The following PISD variants were observed in gnomAD, a reference collection of about 807,000 sequenced individuals.
PISD encodes the protein phosphatidylserine decarboxylase, also known as phosphatidylserine decarboxylase proenzyme, mitochondrial.
In PISD, 31 loss-of-function variants were observed where a neutral mutation model predicts 43.5. The ratio of observed to expected loss-of-function variants is 0.71; its 90% confidence interval spans 0.54 to 0.96. PISD has a LOEUF of 0.96. Ranked by LOEUF, PISD falls within the 40% of genes least tolerant of loss-of-function variation. The pLI, the probability that PISD is intolerant of heterozygous loss-of-function variation, is 0.00. For missense variants in PISD, 523 were observed against 548.4 expected (o/e 0.95, Z 0.46); for synonymous variants, 259 against 228.7 (o/e 1.13, Z -1.20).
At chr22:31,657,637 C>T (rs1042577557) in intron 1 of PISD, among the ~76,000 whole-genome samples, 1 of 152,110 alleles carries the variant, frequency 6.6e-6, no homozygotes, top group Admixed American at 6.6e-5. Context: ...ATTCTCCTAC[C>T]TCAGCCTCCT....
chr22:31,662,334 T>C (rs1053514464), upstream of PISD: 1 of 956,112 alleles, frequency 1.0e-6, no homozygotes, highest in Non-Finnish European at 1.7e-6. Context: ...CCGACTAAGC[T>C]CCGCCCTGTG....
At chr22:31,622,841 C>A (rs1027570683) in intron 3 of PISD, among the ~76,000 whole-genome samples, 2 of 152,230 alleles carry the variant, frequency 1.3e-5, no homozygotes, top group African/African-American at 4.8e-5. Context: ...GTAGAAGCTG[C>A]CTGTAATTGG....
chr22:31,621,480 G>A lies in PISD; in HGVS notation c.559-8C>T, dbSNP rs746935386. The A allele has an allele frequency of 3.1e-6, 5 of 1,613,934 alleles. No homozygotes were observed. Among genetic ancestry groups the A allele is most frequent in the Non-Finnish European group, 4.2e-6 (5 of 1,180,008 alleles). On this transcript the variant is annotated splice_polypyrimidine_tract_variant and splice_region_variant and intron_variant, in intron 4 of 7. Coordinates refer to ENST00000439502, the MANE Select transcript of PISD (RefSeq NM_001326411.2). Reference sequence around the variant, plus strand: ...TCCATCCGATGGGCTAATCTGGAAGGGCAGGAGAGGCTTGCTGCCAGGGAG... The same window carrying A: ...TCCATCCGATGGGCTAATCTGGAAGAGCAGGAGAGGCTTGCTGCCAGGGAG...
At chr22:31,648,784 G>A (rs1019137729) in intron 2 of PISD, among the ~76,000 whole-genome samples, 12 of 151,898 alleles carry the variant, frequency 7.9e-5, no homozygotes, top group Admixed American at 6.6e-5. Flanking sequence ...CTGTCAGTAC[G>A]TACAGGACAG....
intron 3 of PISD, among the ~76,000 whole-genome samples, chr22:31,632,875 A>G (rs934094780): frequency 6.6e-6 from 1 of 152,228 alleles, no homozygotes; most frequent in African/African-American, 2.4e-5. Flanking sequence ...AGAAACATCC[A>G]TAGGAACTTA....
At chr22:31,658,625 C>T (rs559819478) in intron 1 of PISD, among the ~76,000 whole-genome samples, 1 of 152,184 alleles carries the variant, frequency 6.6e-6, no homozygotes, top group East Asian at 1.9e-4. Flanking sequence ...TCACAGCTCA[C>T]TGCAGCCTCG....
chr22:31,637,137 A>G (rs2073474188), intron 3 of PISD, among the ~76,000 whole-genome samples: 1 of 63,900 alleles, frequency 1.6e-5, no homozygotes, highest in Non-Finnish European at 3.1e-5. Context: ...ATAATAATAA[A>G]TAAATTAAAA....
intron 3 of PISD, among the ~76,000 whole-genome samples, chr22:31,633,428 G>A (rs79003718): frequency 1.1e-3 from 162 of 152,278 alleles, no homozygotes; most frequent in Non-Finnish European, 1.9e-3. Context: ...TTAAAAACCC[G>A]TAAACCACCA....
Position 31,630,716 on chromosome 22 carries a change from G to A in PISD, c.322-8831C>T. On this transcript the variant is annotated intron_variant, in intron 3 of 7. Coordinates refer to ENST00000439502, the MANE Select transcript of PISD (RefSeq NM_001326411.2). This position sits in a 1 kb window ranked among gnomAD's most constrained non-coding sequence, Gnocchi z 4.4. ...TAGAAGGGCACCCCCACCCGGCACTGGCCCTCTGAGCGGGCAGGGTGGGGC... is the reference window on the plus strand; with the variant it reads ...TAGAAGGGCACCCCCACCCGGCACTAGCCCTCTGAGCGGGCAGGGTGGGGC... 1 of 984,940 alleles carries A rather than the reference G, an allele frequency of 1.0e-6. No individual in the cohort carries two copies. The highest frequency in any genetic ancestry group is 1.2e-6 in the Non-Finnish European group (1 of 829,468). The allele number at this position is 984,940 out of a possible 1,614,324, so 61.0% of individuals were successfully genotyped here.
At chr22:31,641,226 A>G (rs543570693) in intron 3 of PISD, among the ~76,000 whole-genome samples, 2 of 152,132 alleles carry the variant, frequency 1.3e-5, no homozygotes, top group East Asian at 3.9e-4. Context: ...TTCCTTTTGA[A>G]GTCCAGAACT....
In PISD at chr22:31,619,804, C is replaced by G. The variant is rs1204628259; in HGVS notation, c.1038G>C (p.Lys346Asn). The stretch of plus-strand genomic sequence containing the variant: ...CGAAGCTGAAGTCATTGTAGGAGCC[C>G]TTGCTGTGCCTTGGGCTGTTTGTGT... Reference protein sequence around the residue: ...DLHTNSPRHSKGSYNDFSFVT... With the variant: ...DLHTNSPRHSNGSYNDFSFVT... Residue 346 changes from lysine (K) to asparagine (N), a missense_variant, in exon 8 of 8, where the codon AAG becomes AAC. Lys to Asn is a moderately conservative substitution (Grantham distance 94). Transcript: ENST00000439502. 1.2e-6 allele frequency: 2 copies of G among 1,614,084 alleles called. No individual in the cohort carries two copies. The highest frequency in any genetic ancestry group is 2.2e-5 in the South Asian group (2 of 91,074).
Position 31,632,233 on chromosome 22 carries a change from C to T in PISD, c.322-10348G>A, listed in dbSNP as rs1307743882. On this transcript the variant is annotated intron_variant, in intron 3 of 7. Coordinates refer to ENST00000439502, the MANE Select transcript of PISD (RefSeq NM_001326411.2). ...CATGACAAGCCACAGCCCTGGGATG[C>T]GGCAGGGGGAAGAAGACAGATAGGG... 29 of 985,080 alleles carry T rather than the reference C, an allele frequency of 2.9e-5. No homozygotes were observed. In the African/African-American group the frequency reaches 4.0e-4, roughly 14 times the overall value. The allele number at this position is 985,080 out of a possible 1,614,324, so 61.0% of individuals were successfully genotyped here. A position where few individuals can be genotyped will look rare whatever the true frequency, so the allele number is the denominator to read the frequency against.
At chr22:31,631,776 C>T (rs1187689668) in intron 3 of PISD, among the ~76,000 whole-genome samples, 2 of 152,208 alleles carry the variant, frequency 1.3e-5, no homozygotes, top group Non-Finnish European at 2.9e-5. Flanking sequence ...ATTAAGTAGC[C>T]TTGTTCACAT....
chr22:31,620,430 G>C (rs2072479430), intron 7 of PISD, 123 bp downstream of exon 7: 2 of 954,210 alleles, frequency 2.1e-6, no homozygotes, highest in Non-Finnish European at 3.1e-6. Flanking sequence ...AGCAGAGCCA[G>C]GCCTGACCAG....
rs150235206 is a variant in PISD at position 31,619,279 on chromosome 22, C to T, written c.*333G>A. On this transcript the variant is annotated 3_prime_UTR_variant, in exon 8 of 8. Coordinates refer to ENST00000439502, the MANE Select transcript of PISD (RefSeq NM_001326411.2). ...AGGAGCAGCAAGAAAAAACGACAAC[C>T]GAGACCAACTGAAGGTTCGGTCAGG... 1,463 of 354,074 alleles carry T rather than the reference C, an allele frequency of 4.1e-3. 11 individuals carry two copies. The highest frequency in any genetic ancestry group is 6.7e-3 in the Middle Eastern group (7 of 1,038). The allele number at this position is 354,074 out of a possible 1,614,324, so 21.9% of individuals were successfully genotyped here. A position where few individuals can be genotyped will look rare whatever the true frequency, so the allele number is the denominator to read the frequency against.
rs1350572038 is a variant in PISD at position 31,635,041 on chromosome 22, G to A, written c.321+13060C>T. ...ATTACTCAGGTGTGGTGGCACGCAC[G>A]TGTAATCCCAGCTACTCAGGAGGCT... On this transcript the variant is annotated intron_variant, in intron 3 of 7. Coordinates refer to ENST00000439502, the MANE Select transcript of PISD (RefSeq NM_001326411.2). 4.0e-5 allele frequency among the ~76,000 whole-genome samples: 6 copies of A among 150,148 alleles called. No homozygotes were observed. The South Asian group carries it at 1.1e-3, about 27-fold the overall frequency.
rs746144142 is a variant in PISD at position 31,648,256 on chromosome 22, CA to C, written c.165del (p.Ala56ProfsTer17). 73 of 1,609,398 alleles carry C rather than the reference CA, an allele frequency of 4.5e-5. No homozygotes were observed. In the South Asian group the frequency reaches 7.6e-4, roughly 17 times the overall value. ...AFRTDARKIH[T>X]APARTMFLLR... The stretch of plus-strand genomic sequence containing the variant: ...AGCAGGAACATGGTTCGGGCAGGGG[CA>C]GTGTGGATTTTTCTGGCATCTGTAA... On this transcript the variant is annotated frameshift_variant, in exon 3 of 8. Coordinates refer to ENST00000439502, the MANE Select transcript of PISD (RefSeq NM_001326411.2). LOFTEE classifies it high-confidence loss of function.
chr22:31,625,716 T>C, intron 3 of PISD: 3 of 1,563,566 alleles, frequency 1.9e-6, no homozygotes, highest in Non-Finnish European at 2.6e-6. Flanking sequence ...CTTCCGGAGG[T>C]CGTGGCGGGG....
chr22:31,631,407 T>G (rs1488594936), intron 3 of PISD, among the ~76,000 whole-genome samples: 1 of 152,178 alleles, frequency 6.6e-6, no homozygotes, highest in African/African-American at 2.4e-5. Context: ...CACCCCAACC[T>G]TCTGCCCTCC....
Sources: allele counts gnomAD v4.1 joint callset (sites outside exome capture counted in the v4.1 genomes callset), GRCh38; gene constraint gnomAD v4.1.1; non-coding constraint Gnocchi (gnomAD v3.1); transcripts MANE v1.5; gene names NCBI Gene and HGNC (gene_info 2026-07-23, HGNC 2026-07-21).